Variants in TENM1 observed in about 807,000 individuals in gnomAD.
TENM1 encodes teneurin transmembrane protein 1.
Under a neutral mutation model 174.8 loss-of-function variants are expected in TENM1, and 35 were observed. The observed-to-expected ratio is 0.20, with a 90% confidence interval of 0.15 to 0.27. The LOEUF (loss-of-function observed/expected upper bound fraction) is 0.27, where lower values mean the gene tolerates loss of function less well. Among genes scored for constraint, TENM1 ranks in the 10% least tolerant of loss-of-function variants. TENM1 has a pLI of 1.00. For missense variants in TENM1, 1,633 were observed against 2,130.1 expected (o/e 0.77, Z 4.59); for synonymous variants, 781 against 798.7 (o/e 0.98, Z 0.37).
the TENM1 span, among the ~76,000 whole-genome samples, chrX:125,016,090 A>C: frequency 9.0e-6 from 1 of 111,426 alleles, no homozygotes; most frequent in African/African-American, 3.3e-5. Context: ...ATGTATATAA[A>C]AATCTCTTGA....
intron 1 of TENM1, among the ~76,000 whole-genome samples, chrX:124,935,937 GA>G (rs1437378387): frequency 9.0e-6 from 1 of 111,601 alleles, no homozygotes; most frequent in African/African-American, 3.3e-5. Context: ...TATATCTCAA[GA>G]ATATATCTCA....
the TENM1 span, among the ~76,000 whole-genome samples, chrX:125,071,904 T>C: frequency 1.8e-5 from 2 of 111,225 alleles, no homozygotes; most frequent in South Asian, 7.5e-4. Flanking sequence ...ATAAATATAA[T>C]GCATATGGTA....
At chrX:125,134,761 A>G in the TENM1 span, among the ~76,000 whole-genome samples, 1 of 112,298 alleles carries the variant, frequency 8.9e-6, no homozygotes, top group East Asian at 2.8e-4. Flanking sequence ...ACATGCAGTT[A>G]AGTGCTTTTT....
At chrX:124,785,797 T>C (rs1002190986) in intron 3 of TENM1, among the ~76,000 whole-genome samples, 2 of 112,181 alleles carry the variant, frequency 1.8e-5, no homozygotes, top group African/African-American at 6.5e-5. Flanking sequence ...TCCTGGACAA[T>C]GATTCTATCT....
At chrX:124,925,241 G>A (rs2058076517) in intron 1 of TENM1, among the ~76,000 whole-genome samples, 1 of 110,385 alleles carries the variant, frequency 9.1e-6, no homozygotes, top group South Asian at 3.9e-4. Context: ...ATTTTCATGA[G>A]AGGCATCTTT....
At chrX:124,634,173 TA>T (rs2148354750) in intron 11 of TENM1, among the ~76,000 whole-genome samples, 1 of 111,867 alleles carries the variant, frequency 8.9e-6, no homozygotes, top group South Asian at 3.7e-4. Context: ...TTTTATCCAC[TA>T]AAAAGCACTA....
intron 18 of TENM1, among the ~76,000 whole-genome samples, chrX:124,517,861 C>A (rs939985822): frequency 9.1e-6 from 1 of 109,583 alleles, no homozygotes; most frequent in Non-Finnish European, 1.9e-5. Context: ...AAAATAAGGA[C>A]CTATAGAGAA....
chrX:124,819,257 T>C (rs1262224031), intron 3 of TENM1, among the ~76,000 whole-genome samples: 1 of 111,595 alleles, frequency 9.0e-6, no homozygotes, highest in Non-Finnish European at 1.9e-5. Flanking sequence ...TAAAAATATT[T>C]TCATTGCACA....
the TENM1 span, among the ~76,000 whole-genome samples, chrX:125,007,463 G>T: frequency 1.8e-5 from 2 of 111,447 alleles, no homozygotes; most frequent in Non-Finnish European, 3.8e-5. Context: ...ACACACTTCA[G>T]GATATTGTCC....
chrX:125,044,935 A>G, the TENM1 span, among the ~76,000 whole-genome samples: 3 of 111,816 alleles, frequency 2.7e-5, no homozygotes, highest in East Asian at 8.5e-4. Context: ...AAGATCTCTC[A>G]GGAAGGGTAT....
At chrX:124,610,347 T>C (rs938474529) in intron 11 of TENM1, among the ~76,000 whole-genome samples, 19 of 112,325 alleles carry the variant, frequency 1.7e-4, no homozygotes, top group African/African-American at 6.1e-4. Flanking sequence ...GTTCAGTCTT[T>C]ACCTTTGAAC....
chrX:124,418,604 T>A (rs2060619044), intron 25 of TENM1, among the ~76,000 whole-genome samples: 1 of 112,209 alleles, frequency 8.9e-6, no homozygotes, highest in Non-Finnish European at 1.9e-5. Context: ...TAGGGATTTT[T>A]ATCTGTTTTA....
chrX:125,046,796 G>A, the TENM1 span, among the ~76,000 whole-genome samples: 8 of 110,451 alleles, frequency 7.2e-5, no homozygotes, highest in East Asian at 2.3e-3. Flanking sequence ...CAAAAGAACT[G>A]ATAGCAGATT....
At chrX:125,044,223 T>G in the TENM1 span, among the ~76,000 whole-genome samples, 74 of 75,356 alleles carry the variant, frequency 9.8e-4, no homozygotes, top group South Asian at 1.8e-3. Context: ...AAAAAAAAAA[T>G]AAAAAAAAAA....
Position 124,495,925 on chromosome X carries a change from C to A in TENM1, c.3695+1091G>T, listed in dbSNP as rs780031204. 4.9e-5 allele frequency among the ~76,000 whole-genome samples: 5 copies of A among 101,387 alleles called. No homozygotes were observed. The Admixed American group carries it at 5.3e-4, about 11-fold the overall frequency. The allele number at this position is 101,387 out of a possible 115,157, so 88.0% of individuals were successfully genotyped here. A position where few individuals can be genotyped will look rare whatever the true frequency, so the allele number is the denominator to read the frequency against. ...CCGCATCGCCAAGTCAATCCTAAGC[C>A]AAAAGAACAAAGCTGGAGGCATCAC... On this transcript the variant is annotated intron_variant, in intron 20 of 31. Transcript: ENST00000422452.
chrX:124,416,938 C>G (rs1487283158), intron 25 of TENM1, among the ~76,000 whole-genome samples: 1 of 111,900 alleles, frequency 8.9e-6, no homozygotes, highest in Non-Finnish European at 1.9e-5. Flanking sequence ...AAGGACTCAG[C>G]AGGCAGTGCC....
chrX:124,759,374 C>T (rs1237736112), intron 3 of TENM1, among the ~76,000 whole-genome samples: 4 of 111,155 alleles, frequency 3.6e-5, no homozygotes, highest in African/African-American at 1.3e-4. Flanking sequence ...TATTTGGTTA[C>T]ATAAGTTCTT....
chrX:124,416,770 T>C (rs1189610643), intron 25 of TENM1, among the ~76,000 whole-genome samples: 2 of 112,025 alleles, frequency 1.8e-5, no homozygotes, highest in Non-Finnish European at 3.8e-5. Context: ...AATTCAAATA[T>C]TGAGACTGAA....
chrX:124,987,301 A>T, the TENM1 span, among the ~76,000 whole-genome samples: 1 of 111,593 alleles, frequency 9.0e-6, no homozygotes, highest in African/African-American at 3.3e-5. Context: ...TGACTTCTAT[A>T]AATCTACCCT....
Sources: gnomAD v4.1 joint callset for allele counts (sites outside exome capture counted in the v4.1 genomes callset) on GRCh38, gnomAD v4.1.1 for gene constraint, MANE v1.5 for transcripts, NCBI Gene and HGNC (gene_info 2026-07-23, HGNC 2026-07-21) for gene names.